The following VRK3 variants were observed in gnomAD, a reference collection of about 807,000 sequenced individuals.
VRK3 encodes the protein VRK serine/threonine kinase 3.
A neutral mutation model predicts 60.4 loss-of-function variants in VRK3; 50 were observed. The observed-to-expected ratio is 0.83, with a 90% CI of 0.66 to 1.05. The LOEUF (loss-of-function observed/expected upper bound fraction) is 1.05, where lower values mean the gene tolerates loss of function less well. VRK3 is among the 50% of genes least tolerant of loss of function. The pLI is 0.00. For missense variants in VRK3, 549 were observed against 585.3 expected, an observed-to-expected ratio of 0.94 and a Z score of 0.64; for synonymous variants, 246 against 227.8, an observed-to-expected ratio of 1.08 and a Z score of -0.72.
chr19:49,982,007 G>A (rs1305528691), intron 12 of VRK3: 2 of 650,606 alleles, frequency 3.1e-6, no homozygotes, highest in Non-Finnish European at 5.6e-6. Flanking sequence ...CAAGTAGGCT[G>A]TCTGTGGCTG....
intron 10 of VRK3, among the ~76,000 whole-genome samples, chr19:49,991,648 C>T (rs1233735117): frequency 6.6e-6 from 1 of 152,162 alleles, no homozygotes; most frequent in Non-Finnish European, 1.5e-5. Flanking sequence ...CAGTTCAGGT[C>T]TGTTTCTGCC....
intron 1 of VRK3, among the ~76,000 whole-genome samples, chr19:50,021,586 C>T (rs889111551): frequency 2.0e-5 from 3 of 152,226 alleles, no homozygotes; most frequent in African/African-American, 7.2e-5. Context: ...CACTTAAACC[C>T]CAGCCTTCAA....
intron 3 of VRK3, 42 bp from the exon 4 acceptor site, chr19:50,009,427 C>A: frequency 6.2e-7 from 1 of 1,606,896 alleles, no homozygotes; most frequent in Non-Finnish European, 8.5e-7. Flanking sequence ...GTTACAAAGG[C>A]CCCTCTGCAG....
Position 49,988,480 on chromosome 19 carries a change from C to A in VRK3, c.1109G>T (p.Arg370Leu), listed in dbSNP as rs369278782. The A allele has an allele frequency of 2.2e-5, 36 of 1,612,840 alleles. No homozygotes were observed. Among genetic ancestry groups the A allele is most frequent in the Middle Eastern group, 1.6e-4 (1 of 6,074 alleles). Residue 370 changes from arginine (R) to leucine (L), a missense_variant, in exon 12 of 15, where the codon CGC becomes CTC. Physicochemically the swap from Arg to Leu is moderately radical, Grantham distance 102. Transcript: ENST00000316763. The stretch of plus-strand genomic sequence containing the variant: ...GTAGCCCAGGCTCTGGAGGTCGCTG[C>A]GGCGGGAGGGCCCTGGGGAAGGAGG... ...DLHKGCGPSR[R>L]SDLQSLGYCM...
rs765526808 is a variant in VRK3, at chr19:50,009,253, G to C, written c.272C>G (p.Ser91Cys). 3.7e-6 allele frequency: 6 copies of C among 1,613,946 alleles called. No individual in the cohort carries two copies. Among genetic ancestry groups the C allele is most frequent in the Non-Finnish European group, 4.2e-6 (5 of 1,179,982 alleles). ...DSSESEDTLS[S>C]SERSKGSGSR... ...ACTCTTACCTTTGGATCTCTCAGAG[G>C]AACTCAGAGTATCTTCAGACTCAGA... Residue 91 changes from serine to cysteine, a missense_variant, in exon 4 of 15, where the codon TCC (serine) becomes TGC (cysteine). By Grantham distance (112) the Ser-to-Cys change is moderately radical. Transcript: ENST00000316763.
At chr19:50,015,600 T>C (rs2077062597) in intron 3 of VRK3, 1 of 173,238 alleles carries the variant, frequency 5.8e-6, no homozygotes, top group Admixed American at 5.6e-5. Context: ...TGAGCCACTG[T>C]GCCCAGCCAG....
chr19:50,011,117 G>A (rs1383843998), intron 3 of VRK3, among the ~76,000 whole-genome samples: 3 of 152,024 alleles, frequency 2.0e-5, no homozygotes, highest in Non-Finnish European at 4.4e-5. Flanking sequence ...TACTGCTAAG[G>A]CCCTAAGCTT....
intron 12 of VRK3, chr19:49,982,230 A>G (rs1234468921): frequency 4.3e-6 from 3 of 702,836 alleles, no homozygotes. Flanking sequence ...GACCAACAGC[A>G]CCGTAGCTCA....
chr19:50,007,467 G>A (rs2076915876), intron 5 of VRK3, 102 bp downstream of exon 5: 1 of 1,544,746 alleles, frequency 6.5e-7, no homozygotes, highest in Non-Finnish European at 8.8e-7. Context: ...CAGGTCTGCA[G>A]CTAGGGATGT....
intron 9 of VRK3, 71 bp downstream of exon 9, chr19:49,994,743 A>G (rs963931071): frequency 1.8e-5 from 25 of 1,398,292 alleles, no homozygotes; most frequent in South Asian, 6.2e-5. Context: ...GTCAATGACT[A>G]AAGTGCCTGC....
intron 6 of VRK3, chr19:49,998,067 G>T (rs977013801): frequency 6.6e-6 from 1 of 152,380 alleles, no homozygotes; most frequent in Non-Finnish European, 1.5e-5. Context: ...GCAAAAAGAA[G>T]GAAACAGGGC....
chr19:49,998,948 G>GAAAAAAAAAAAAA (rs60205284), intron 6 of VRK3: 2 of 35,604 alleles, frequency 5.6e-5, no homozygotes, highest in East Asian at 1.1e-3. Flanking sequence ...ATCTCTACCA[G>GAAAAAAAAAAAAA]AAAAAAAAAA....
chr19:49,989,845 A>G, intron 10 of VRK3, 74 bp from the exon 11 acceptor site: 2 of 1,475,348 alleles, frequency 1.4e-6, no homozygotes, highest in Non-Finnish European at 1.8e-6. Flanking sequence ...TCGTGGGTGC[A>G]AGTGACAACA....
rs757724161 is a variant in VRK3, at chr19:50,007,800, T to TG, written c.315dup (p.Lys106GlnfsTer17). The TG allele has an allele frequency of 6.2e-7, 1 of 1,614,038 alleles. No homozygotes were observed. ...TTCCTGGTCTTCTGAGGGCTGCTTT[T>TG]GGGGGTTGGGGGTCTGCTCCCGGAG... On this transcript the variant is annotated frameshift_variant, in exon 5 of 15. Transcript: ENST00000316763. LOFTEE classifies it high-confidence loss of function.
At chr19:49,985,567 C>A (rs1000422840) in intron 12 of VRK3, among the ~76,000 whole-genome samples, 2 of 152,178 alleles carry the variant, frequency 1.3e-5, no homozygotes, top group African/African-American at 4.8e-5. Flanking sequence ...GTGCTGCACA[C>A]CCCCACCAAC....
Position 49,980,940 on chromosome 19 carries a change from C to T in VRK3, c.1276+15G>A, listed in dbSNP as rs762045585. 1.1e-5 allele frequency: 17 copies of T among 1,605,814 alleles called. No individual in the cohort carries two copies. The East Asian group carries it at 3.8e-4, about 36-fold the overall frequency. On this transcript the variant is annotated intron_variant, in intron 13 of 14. Coordinates refer to ENST00000316763, the MANE Select transcript of VRK3 (RefSeq NM_016440.4). ...GCCCGAGTCCCCGCCTGTTCCCGCT[C>T]CCTTCAGGACGTACCTGAGGGCCTG...
At chr19:49,990,134 C>T (rs1034599265) in intron 10 of VRK3, among the ~76,000 whole-genome samples, 1 of 152,076 alleles carries the variant, frequency 6.6e-6, no homozygotes, top group East Asian at 1.9e-4. Context: ...CGGCACTTTA[C>T]ACTTTAATAG....
At chr19:50,017,509 G>A (rs1215086819) in intron 2 of VRK3, among the ~76,000 whole-genome samples, 1 of 143,822 alleles carries the variant, frequency 7.0e-6, no homozygotes, top group Admixed American at 7.0e-5. Context: ...GGGAGGCAGA[G>A]GTTGTGGTGA....
intron 5 of VRK3, among the ~76,000 whole-genome samples, chr19:50,003,009 T>C (rs2076834982): frequency 6.6e-6 from 1 of 152,178 alleles, no homozygotes. Context: ...GGCATCACTC[T>C]ACTCATTTCA....
Sources: gnomAD v4.1 joint callset for allele counts (sites outside exome capture counted in the v4.1 genomes callset) on GRCh38, gnomAD v4.1.1 for gene constraint, MANE v1.5 for transcripts, NCBI Gene and HGNC (gene_info 2026-07-23, HGNC 2026-07-21) for gene names.